FSD1: variants seen among roughly 807,000 people sequenced by gnomAD.
The protein encoded by FSD1 is fibronectin type III and SPRY domain-containing protein 1.
Under a neutral mutation model 58.2 loss-of-function variants are expected in FSD1, and 23 were observed. That is an observed-to-expected ratio of 0.40 (90% confidence interval 0.28 to 0.56). The LOEUF is 0.56. FSD1 is among the 20% of genes least tolerant of loss of function. The pLI, the probability that FSD1 is intolerant of heterozygous loss-of-function variation, is 0.54. For synonymous variants in FSD1, 265 were observed against 263.4 expected (o/e 1.01, Z -0.06); for missense variants, 563 against 670.8 (o/e 0.84, Z 1.78).
At chr19:4,315,663 T>A (rs372322149) in intron 7 of FSD1, among the ~76,000 whole-genome samples, 1 of 130,196 alleles carries the variant, frequency 7.7e-6, no homozygotes, top group African/African-American at 3.0e-5. Flanking sequence ...CAGGCTGGAG[T>A]GCAATGATGC....
intron 7 of FSD1, among the ~76,000 whole-genome samples, chr19:4,316,698 CAG>C (rs973167297): frequency 6.6e-6 from 1 of 152,026 alleles, no homozygotes; most frequent in African/African-American, 2.4e-5. Flanking sequence ...CATAGCCCCT[CAG>C]GGAGAGGAGG....
intron 6 of FSD1, 189 bp downstream of exon 6, chr19:4,310,785 G>A: frequency 1.7e-6 from 1 of 601,872 alleles, no homozygotes; most frequent in South Asian, 2.0e-5. Flanking sequence ...CCTGGGTGGA[G>A]CCATGGGAAG....
At position 4,304,680 on chromosome 19, in the gene FSD1, A is replaced by T; in HGVS notation, c.-67A>T. 1.8e-6 allele frequency: 2 copies of T among 1,102,130 alleles called. No homozygotes were observed. Among genetic ancestry groups the T allele is most frequent in the Admixed American group, 4.3e-5 (1 of 23,272 alleles). 68.3% of individuals were successfully genotyped at this position (1,102,130 alleles called of 1,614,324 possible). On this transcript the variant is annotated 5_prime_UTR_variant, in exon 1 of 13. Transcript: ENST00000221856. ...GGGCCATTGGCTACCGGCCGCGGCA[A>T]AGGCAGCTTGGGGACCCAGCGTGCG...
chr19:4,307,011 A>C (rs1016054079), intron 3 of FSD1, among the ~76,000 whole-genome samples: 3 of 152,110 alleles, frequency 2.0e-5, no homozygotes, highest in African/African-American at 7.2e-5. Context: ...TCCCAGGGGG[A>C]ATCTAGAGCC....
chr19:4,310,697 T>C (rs1353624916), intron 6 of FSD1, 101 bp downstream of exon 6: 3 of 1,365,204 alleles, frequency 2.2e-6, no homozygotes, highest in Non-Finnish European at 3.0e-6. Flanking sequence ...CGACCCGGTG[T>C]CTGAATTCCG....
intron 4 of FSD1, among the ~76,000 whole-genome samples, chr19:4,309,115 GCA>G (rs1259054002): frequency 6.6e-6 from 1 of 151,988 alleles, no homozygotes; most frequent in African/African-American, 2.4e-5. Context: ...GGGTGTGGTG[GCA>G]CACACCTGTG....
chr19:4,310,136 A>T, intron 4 of FSD1, 137 bp from the exon 5 acceptor site: 1 of 910,184 alleles, frequency 1.1e-6, no homozygotes, highest in Non-Finnish European at 1.8e-6. Context: ...GCTGAGGCAG[A>T]ATTGCTTGAA....
At chr19:4,305,578 C>A (rs921382273) in intron 1 of FSD1, among the ~76,000 whole-genome samples, 10 of 152,210 alleles carry the variant, frequency 6.6e-5, no homozygotes, top group African/African-American at 2.4e-4. Context: ...CTGAGAGGTT[C>A]TCTGTGAGCC....
intron 7 of FSD1, among the ~76,000 whole-genome samples, chr19:4,316,715 G>A (rs1036879237): frequency 2.0e-5 from 3 of 151,852 alleles, no homozygotes; most frequent in African/African-American, 7.3e-5. Flanking sequence ...AGGAGGGCAA[G>A]GAATGGTCTC....
At position 4,323,558 on chromosome 19, in the gene FSD1, C is replaced by A. The variant is rs138218709; in HGVS notation, c.1406C>A (p.Thr469Lys). 6.2e-7 allele frequency: 1 copy of A among 1,612,444 alleles called. No homozygotes were observed. The highest frequency in any genetic ancestry group is 2.2e-5 in the East Asian group (1 of 44,824). ...GTATGGTGTGGCAGCTTCCAGGTGA[C>A]GACAGGCCTGCAGGTCCCCAGTGCT... is the stretch of plus-strand genomic sequence containing the variant. ...FTVWCGSFQV[T>K]TGLQVPSAVR... The change falls in exon 13 of 13, where the codon ACG becomes AAG. Residue 469 changes from threonine (T) to lysine (K), a missense_variant. Transcript: ENST00000221856. This position sits in a 1 kb window ranked among gnomAD's most constrained non-coding sequence, Gnocchi z 7.7.
chr19:4,306,086 A>C (rs1971617835), intron 2 of FSD1, 45 bp downstream of exon 2: 14 of 1,604,810 alleles, frequency 8.7e-6, no homozygotes, highest in Non-Finnish European at 1.2e-5. Flanking sequence ...GGAGGGGAGG[A>C]AGCTGGAGGG....
intron 7 of FSD1, among the ~76,000 whole-genome samples, chr19:4,312,807 A>AAAATAAATAAAT (rs377254722): frequency 0.011 from 1,699 of 148,794 alleles, 41 homozygotes; most frequent in African/African-American, 0.04. Context: ...TCCGTCTCAA[A>AAAATAAATAAAT]AAATAAATAA....
chr19:4,315,001 T>C (rs1412389953), intron 7 of FSD1, among the ~76,000 whole-genome samples: 1 of 152,242 alleles, frequency 6.6e-6, no homozygotes, highest in Non-Finnish European at 1.5e-5. Flanking sequence ...CATGGAAAGC[T>C]GTGCAGGAGT....
rs1418277772 is a variant in FSD1, at chr19:4,309,921, AC to A, written c.346-351del. Among the ~76,000 whole-genome samples, 1,218 of 138,612 alleles carry A rather than the reference AC, an allele frequency of 8.8e-3. 18 individuals carry two copies. The highest frequency in any genetic ancestry group is 0.038 in the African/African-American group (1,154 of 30,280). The allele number at this position is 138,612 out of a possible 152,430, so 90.9% of individuals were successfully genotyped here. ...AAGACTCCATCTCAAAAAAAAAAAA[AC>A]ACAAAAAATGAAACAAATCTTTGGG... On this transcript the variant is annotated intron_variant, in intron 4 of 12. Coordinates refer to ENST00000221856, the MANE Select transcript of FSD1 (RefSeq NM_024333.3).
intron 4 of FSD1, 104 bp from the exon 5 acceptor site, chr19:4,310,169 G>A (rs762723304): frequency 1.6e-5 from 21 of 1,294,412 alleles, no homozygotes; most frequent in Non-Finnish European, 2.3e-5. Context: ...AGGTTGCAGT[G>A]AGCCGAGATC....
Position 4,323,193 on chromosome 19 carries a change from C to A in FSD1, c.1247C>A (p.Ala416Asp). 6.2e-7 allele frequency: 1 copy of A among 1,604,724 alleles called. No individual in the cohort carries two copies. Among genetic ancestry groups the A allele is most frequent in the South Asian group, 1.1e-5 (1 of 91,086 alleles). The change falls in exon 11 of 13, where the codon GCC (alanine) becomes GAC (aspartate). Residue 416 changes from alanine to aspartate, a missense_variant. Ala to Asp is a moderately radical substitution (Grantham distance 126). Transcript: ENST00000221856. This position sits in a 1 kb window ranked among gnomAD's most constrained non-coding sequence, Gnocchi z 7.7. ...GCCAACAAGGTCAAGGTGCTGGACGCCCCCGTGCCCGACTGCCTGGGTGTG... is the reference window on the plus strand; with the variant it reads ...GCCAACAAGGTCAAGGTGCTGGACGACCCCGTGCCCGACTGCCTGGGTGTG... The part of the protein sequence containing the change: ...KHANKVKVLD[A>D]PVPDCLGVHC...
intron 10 of FSD1, among the ~76,000 whole-genome samples, chr19:4,320,854 G>A (rs1372725238): frequency 4.7e-5 from 7 of 149,408 alleles, no homozygotes; most frequent in African/African-American, 1.7e-4. Flanking sequence ...AGGAGTGTCT[G>A]GAGGGGAATA....
chr19:4,318,992 C>A, intron 10 of FSD1, 41 bp downstream of exon 10: 1 of 1,519,710 alleles, frequency 6.6e-7, no homozygotes, highest in Non-Finnish European at 9.1e-7. Context: ...GAGTTTTGGG[C>A]AGGGGCCTAA....
chr19:4,310,693 G>C, intron 6 of FSD1, 97 bp downstream of exon 6: 1 of 1,400,678 alleles, frequency 7.1e-7, no homozygotes, highest in Non-Finnish European at 9.7e-7. Flanking sequence ...TGGACGACCC[G>C]GTGTCTGAAT....
Sources: allele counts gnomAD v4.1 joint callset (sites outside exome capture counted in the v4.1 genomes callset), GRCh38; gene constraint gnomAD v4.1.1; non-coding constraint Gnocchi (gnomAD v3.1); transcripts MANE v1.5; gene names NCBI Gene and HGNC (gene_info 2026-07-23, HGNC 2026-07-21).